Variants in CYRIB observed in about 807,000 individuals in gnomAD.
CYRIB encodes CYFIP related Rac1 interactor B.
In CYRIB, 8 loss-of-function variants were observed where a neutral mutation model predicts 44.2. The observed-to-expected ratio is 0.18, with a 90% CI of 0.11 to 0.33. The LOEUF (loss-of-function observed/expected upper bound fraction) is 0.33, where lower values mean the gene tolerates loss of function less well. Ranked by LOEUF, CYRIB falls within the 10% of genes least tolerant of loss-of-function variation. The probability of loss-of-function intolerance (pLI) is 1.00; values close to 1 mark genes in which losing one functional copy is unlikely to be tolerated. For missense variants in CYRIB, 185 were observed against 382.8 expected (o/e 0.48, Z 4.31); for synonymous variants, 131 against 127.2 (o/e 1.03, Z -0.20).
intron 1 of CYRIB, among the ~76,000 whole-genome samples, chr8:129,982,368 T>G (rs959439299): frequency 6.6e-6 from 1 of 152,252 alleles, no homozygotes; most frequent in Non-Finnish European, 1.5e-5. Context: ...CTCTGGCTAC[T>G]GTGACTGAGG....
At chr8:129,859,347 C>T (rs2047997935) in intron 5 of CYRIB, among the ~76,000 whole-genome samples, 1 of 152,148 alleles carries the variant, frequency 6.6e-6, no homozygotes, top group Non-Finnish European at 1.5e-5. Context: ...GGACTAGGAG[C>T]GCGACCACTG....
chr8:129,885,100 C>G, intron 2 of CYRIB, among the ~76,000 whole-genome samples: 1 of 152,238 alleles, frequency 6.6e-6, no homozygotes, highest in East Asian at 1.9e-4. Flanking sequence ...TTTCTAGAAG[C>G]TTCCTAAGAG....
intron 2 of CYRIB, among the ~76,000 whole-genome samples, chr8:129,960,633 C>T (rs975194055): frequency 8.2e-6 from 1 of 122,530 alleles, no homozygotes; most frequent in Non-Finnish European, 1.6e-5. Context: ...GGCGGCAGAG[C>T]GAGACTCTGT....
chr8:129,889,180 A>C (rs2064035287), intron 2 of CYRIB, among the ~76,000 whole-genome samples: 1 of 152,194 alleles, frequency 6.6e-6, no homozygotes. Flanking sequence ...CAAAGCCTAG[A>C]TGACAGCATA....
chr8:129,848,715 T>A (rs2041686326), intron 10 of CYRIB, among the ~76,000 whole-genome samples: 1 of 151,440 alleles, frequency 6.6e-6, no homozygotes, highest in Admixed American at 6.6e-5. Context: ...ACTACCGATG[T>A]GTGCCACCAC....
chr8:129,962,488 G>A lies in CYRIB; in HGVS notation c.-243+8455C>T, dbSNP rs149170020. Among the ~76,000 whole-genome samples the A allele has an allele frequency of 1.4e-4, 21 of 152,216 alleles. No individual in the cohort carries two copies. In the East Asian group the frequency reaches 4.1e-3, roughly 29 times the overall value. On this transcript the variant is annotated intron_variant, in intron 2 of 14. Transcript: ENST00000401979. ...ATTAAAATAAAAATAAACGTGGGGT[G>A]ATGTCAATTAAAGTGTCTAGCCCAG...
intron 1 of CYRIB, among the ~76,000 whole-genome samples, chr8:129,930,261 G>A (rs1411015034): frequency 5.4e-5 from 8 of 149,404 alleles, no homozygotes; most frequent in African/African-American, 2.0e-4. Context: ...TTACTTATGA[G>A]ACCCTAACAA....
At chr8:129,967,785 G>A (rs1189629657) in intron 2 of CYRIB, among the ~76,000 whole-genome samples, 1 of 152,170 alleles carries the variant, frequency 6.6e-6, no homozygotes, top group East Asian at 1.9e-4. Flanking sequence ...CCTCAATGGT[G>A]ACCTGGTCAC....
chr8:129,924,452 C>T (rs938944528), intron 1 of CYRIB, among the ~76,000 whole-genome samples: 1 of 151,830 alleles, frequency 6.6e-6, no homozygotes, highest in Non-Finnish European at 1.5e-5. Flanking sequence ...GCACATTCTT[C>T]GAAAAATTCA....
At chr8:130,015,965 T>C (rs1438707199) in intron 1 of CYRIB, among the ~76,000 whole-genome samples, 1 of 151,826 alleles carries the variant, frequency 6.6e-6, no homozygotes, top group African/African-American at 2.4e-5. Flanking sequence ...CCGGGGTCAG[T>C]CCCCGCACCG....
intron 9 of CYRIB, 122 bp from the exon 12 acceptor site, chr8:129,849,491 G>T: frequency 1.0e-6 from 1 of 953,104 alleles, no homozygotes; most frequent in Non-Finnish European, 1.5e-6. Context: ...TTAGTTGAAT[G>T]CAGTATGTTC....
rs146041392 is a variant in CYRIB, at chr8:129,911,349, G to C, written c.-49-7999C>G. On this transcript the variant is annotated intron_variant, in intron 1 of 11. Transcript: ENST00000519824. The stretch of plus-strand genomic sequence containing the variant: ...ATTGGGAAAAGGAGCGGAAGGGACA[G>C]AAATGAGGAAGGGAACAGAGGGAGA... Among the ~76,000 whole-genome samples the C allele has an allele frequency of 3.3e-5, 5 of 152,330 alleles. No individual in the cohort carries two copies. The East Asian group carries it at 9.6e-4, about 29-fold the overall frequency.
At chr8:130,009,228 G>A (rs898395979) in intron 1 of CYRIB, among the ~76,000 whole-genome samples, 2 of 151,030 alleles carry the variant, frequency 1.3e-5, no homozygotes, top group African/African-American at 4.9e-5. Flanking sequence ...ATGGCAAAGT[G>A]TTTCATTTTT....
intron 2 of CYRIB, among the ~76,000 whole-genome samples, chr8:129,970,333 G>C (rs1591440192): frequency 2.6e-5 from 4 of 152,132 alleles, no homozygotes; most frequent in Admixed American, 6.6e-5. Context: ...CACAGACAGA[G>C]GGCACCCAGG....
intron 1 of CYRIB, among the ~76,000 whole-genome samples, chr8:129,923,239 T>TATCTCACAAAAAAGAAAAAG (rs140530379): frequency 6.6e-6 from 1 of 150,536 alleles, no homozygotes; most frequent in Non-Finnish European, 1.5e-5. Flanking sequence ...GCAAAACTCT[T>TATCTCACAAAAAAGAAAAAG]AAAAAGAAAA....
intron 4 of CYRIB, among the ~76,000 whole-genome samples, chr8:129,865,303 A>G (rs1277215825): frequency 6.6e-6 from 1 of 152,124 alleles, no homozygotes; most frequent in African/African-American, 2.4e-5. Context: ...AGCTCTGCAG[A>G]TTTGTCTGGT....
At chr8:130,001,724 C>T (rs1564757198) in intron 1 of CYRIB, among the ~76,000 whole-genome samples, 3 of 151,820 alleles carry the variant, frequency 2.0e-5, no homozygotes, top group Non-Finnish European at 4.4e-5. Flanking sequence ...AAGTGATCTG[C>T]CCGCCTCGAC....
At chr8:129,853,419 A>G (rs2044409930) in intron 7 of CYRIB, among the ~76,000 whole-genome samples, 1 of 152,220 alleles carries the variant, frequency 6.6e-6, no homozygotes, top group Non-Finnish European at 1.5e-5. Context: ...AGTGCTTCCT[A>G]AAATATTTTT....
chr8:129,891,757 C>A (rs2065510743), intron 2 of CYRIB, among the ~76,000 whole-genome samples: 1 of 152,198 alleles, frequency 6.6e-6, no homozygotes, highest in Admixed American at 6.5e-5. Context: ...TAGACTAAAT[C>A]TCTTACTGAG....
Sources: allele counts gnomAD v4.1 joint callset (sites outside exome capture counted in the v4.1 genomes callset), GRCh38; gene constraint gnomAD v4.1.1; transcripts MANE v1.5; gene names NCBI Gene and HGNC (gene_info 2026-07-23, HGNC 2026-07-21).